The following MME variants were observed in gnomAD, a reference collection of about 807,000 sequenced individuals.
MME encodes membrane metalloendopeptidase.
MME carries 98 observed loss-of-function variants against 113.2 expected under a neutral mutation model. That is an observed-to-expected ratio of 0.87 (90% CI 0.74 to 1.02). The LOEUF is 1.02. Ranked by LOEUF, MME falls within the 50% of genes least tolerant of loss-of-function variation. The probability of loss-of-function intolerance (pLI) is 0.00; values close to 1 mark genes in which losing one functional copy is unlikely to be tolerated. For missense variants in MME, 836 were observed against 896.0 expected (o/e 0.93, Z 0.86); for synonymous variants, 292 against 300.6 (o/e 0.97, Z 0.30).
intron 3 of MME, among the ~76,000 whole-genome samples, chr3:155,100,706 T>C (rs868654191): frequency 1.3e-5 from 2 of 152,080 alleles, no homozygotes; most frequent in African/African-American, 2.4e-5. Context: ...CATGCAAATA[T>C]GAATATTTTA....
intron 8 of MME, among the ~76,000 whole-genome samples, chr3:155,133,499 G>C (rs1230268672): frequency 6.6e-6 from 1 of 151,166 alleles, no homozygotes; most frequent in Admixed American, 6.6e-5. Context: ...AAATACATCG[G>C]TAAGGATAAA....
chr3:155,096,577 T>C (rs774204878), intron 3 of MME, among the ~76,000 whole-genome samples: 2 of 152,216 alleles, frequency 1.3e-5, no homozygotes, highest in Non-Finnish European at 2.9e-5. Context: ...CGCATGACTT[T>C]ATCAGAATTA....
rs113662059 is a variant in MME, at chr3:155,162,982, C to T, written c.1660+2534C>T. 6.6e-3 allele frequency among the ~76,000 whole-genome samples: 910 copies of T among 137,112 alleles called. 12 individuals are homozygous for T. The highest frequency in any genetic ancestry group is 0.024 in the African/African-American group (870 of 35,732). The allele number at this position is 137,112 out of a possible 152,430, so 90.0% of individuals were successfully genotyped here. ...GAGCTGAGATCATGCCACTGTACTC[C>T]AGCCTGGGTGACAAAACAAAACTCT... On this transcript the variant is annotated intron_variant, in intron 17 of 22. Transcript: ENST00000360490.
chr3:155,093,966 A>G (rs1450058243), intron 3 of MME, among the ~76,000 whole-genome samples: 1 of 152,080 alleles, frequency 6.6e-6, no homozygotes, highest in Non-Finnish European at 1.5e-5. Flanking sequence ...CATCAGCTTT[A>G]TTCCTATTCC....
intron 1 of MME, 69 bp from the exon 2 acceptor site, chr3:155,084,089 C>A: frequency 7.7e-7 from 1 of 1,297,834 alleles, no homozygotes; most frequent in Non-Finnish European, 1.1e-6. Context: ...TATCCAGCCA[C>A]ATTAAGCATT....
intron 22 of MME, among the ~76,000 whole-genome samples, chr3:155,177,904 G>A (rs1368031845): frequency 6.6e-6 from 1 of 152,070 alleles, no homozygotes; most frequent in Non-Finnish European, 1.5e-5. Flanking sequence ...GGTCACTGCT[G>A]AGATCCCTAC....
intron 8 of MME, among the ~76,000 whole-genome samples, chr3:155,121,542 TG>T (rs1383570931): frequency 7.6e-6 from 1 of 131,132 alleles, no homozygotes; most frequent in Non-Finnish European, 1.6e-5. Context: ...AGTATGATAT[TG>T]GCTGTGGGTT....
At chr3:155,079,466 G>C (rs373602047), upstream of MME, among the ~76,000 whole-genome samples, 90 of 152,202 alleles carry the variant, frequency 5.9e-4, no homozygotes, top group East Asian at 0.016. Context: ...ATGGTGAGAT[G>C]GGGGGTGGGG....
intron 3 of MME, among the ~76,000 whole-genome samples, chr3:155,086,358 A>C (rs572474042): frequency 6.6e-6 from 1 of 152,314 alleles, no homozygotes; most frequent in Admixed American, 6.5e-5. Context: ...CTAAGATGAA[A>C]ATAGACAGGA....
At chr3:155,072,022 G>A (rs1211428069) in intron 1 of MME, among the ~76,000 whole-genome samples, 4 of 152,012 alleles carry the variant, frequency 2.6e-5, no homozygotes, top group African/African-American at 7.2e-5. Flanking sequence ...TTAGCCGGGC[G>A]CGGTGGCGGG....
Position 155,181,413 on chromosome 3 carries a change from T to C in MME, c.*954T>C, listed in dbSNP as rs1456573869. The C allele has an allele frequency of 6.6e-6, 1 of 152,108 alleles. No homozygotes were observed. The highest frequency in any genetic ancestry group is 1.5e-5 in the Non-Finnish European group (1 of 68,016). 9.4% of individuals were successfully genotyped at this position (152,108 alleles called of 1,614,324 possible). On this transcript the variant is annotated 3_prime_UTR_variant, in exon 23 of 23. Transcript: ENST00000360490. ...AGGGTAAAAATTGCCATTGGACAGT[T>C]GTCTAGAGATATATATACTTGTGGT...
chr3:155,035,924 A>G (rs1281504898), intron 1 of MME, among the ~76,000 whole-genome samples: 2 of 152,172 alleles, frequency 1.3e-5, no homozygotes, highest in African/African-American at 4.8e-5. Context: ...ATAAAAGGGA[A>G]AGGGTCAAAA....
At chr3:155,054,345 G>C (rs1404440426) in intron 1 of MME, among the ~76,000 whole-genome samples, 2 of 151,662 alleles carry the variant, frequency 1.3e-5, no homozygotes, top group African/African-American at 2.4e-5. Context: ...AGATAATTTT[G>C]GAACATTCTT....
intron 22 of MME, among the ~76,000 whole-genome samples, chr3:155,174,323 A>AGT (rs1712286156): frequency 8.0e-6 from 1 of 124,534 alleles, no homozygotes; most frequent in African/African-American, 3.1e-5. Flanking sequence ...TAACAACAGA[A>AGT]GCGTGTGTGT....
intron 8 of MME, among the ~76,000 whole-genome samples, chr3:155,125,897 T>G: frequency 6.6e-6 from 1 of 152,214 alleles, no homozygotes; most frequent in East Asian, 1.9e-4. Context: ...GTAAGTTATC[T>G]TTGATGATCC....
At chr3:155,089,932 C>T in intron 3 of MME, 1 of 424,262 alleles carries the variant, frequency 2.4e-6, no homozygotes, top group South Asian at 1.6e-5. Flanking sequence ...TGCACTCCAG[C>T]CTGGAAGACA....
chr3:155,092,823 A>G (rs1178439757), intron 3 of MME, among the ~76,000 whole-genome samples: 1 of 152,158 alleles, frequency 6.6e-6, no homozygotes, highest in Non-Finnish European at 1.5e-5. Flanking sequence ...CAGAAGACAA[A>G]TATTGGTTGC....
At position 155,153,762 on chromosome 3, in the gene MME, G is replaced by T. The variant is rs114519376; in HGVS notation, c.1601+5109G>T. ...CTCTCTTGCTGTTCTGCATCAAAAT[G>T]AAAGCATACTGACATTGACAGGAGC... On this transcript the variant is annotated intron_variant, in intron 16 of 22. Coordinates refer to ENST00000360490, the MANE Select transcript of MME (RefSeq NM_007289.4). 3.5e-3 allele frequency among the ~76,000 whole-genome samples: 526 copies of T among 152,274 alleles called. 2 individuals carry two copies. The highest frequency in any genetic ancestry group is 0.012 in the African/African-American group (506 of 41,574).
chr3:155,168,369 A>G (rs1457314466), intron 18 of MME, 123 bp from the exon 19 acceptor site: 2 of 890,366 alleles, frequency 2.2e-6, no homozygotes, highest in Non-Finnish European at 3.6e-6. Flanking sequence ...AGTCTCTCTC[A>G]TCGTCTGCCT....
Sources: gnomAD v4.1 joint callset for allele counts (sites outside exome capture counted in the v4.1 genomes callset) on GRCh38, gnomAD v4.1.1 for gene constraint, MANE v1.5 for transcripts, NCBI Gene and HGNC (gene_info 2026-07-23, HGNC 2026-07-21) for gene names.